Variants in IL1RAPL2 observed in about 807,000 individuals in gnomAD.
IL1RAPL2 encodes X-linked interleukin-1 receptor accessory protein-like 2.
Under a neutral mutation model 44.1 loss-of-function variants are expected in IL1RAPL2, and 3 were observed. The observed-to-expected ratio is 0.07, with a 90% CI of 0.03 to 0.18. The LOEUF (loss-of-function observed/expected upper bound fraction) is 0.18, where lower values mean the gene tolerates loss of function less well. Among genes scored for constraint, IL1RAPL2 ranks in the 10% least tolerant of loss-of-function variants. The pLI is 1.00. For synonymous variants in IL1RAPL2, 181 were observed against 178.8 expected (o/e 1.01, Z -0.10); for missense variants, 391 against 496.4 (o/e 0.79, Z 2.02).
chrX:104,613,315 C>G (rs888114117), intron 1 of IL1RAPL2, among the ~76,000 whole-genome samples: 1 of 111,014 alleles, frequency 9.0e-6, no homozygotes, highest in African/African-American at 3.3e-5. Context: ...ATAGGTGGCT[C>G]TTATTATTTT....
chrX:105,110,455 C>T (rs1355852282), intron 2 of IL1RAPL2, among the ~76,000 whole-genome samples: 1 of 111,958 alleles, frequency 8.9e-6, no homozygotes, highest in Non-Finnish European at 1.9e-5. Flanking sequence ...TGATAAACAT[C>T]TTTAGCCCCA....
At chrX:105,722,921 T>C (rs1027001038) in intron 7 of IL1RAPL2, among the ~76,000 whole-genome samples, 1 of 110,960 alleles carries the variant, frequency 9.0e-6, no homozygotes, top group African/African-American at 3.3e-5. Context: ...CTTATATCTA[T>C]ACTAATCTTA....
At chrX:105,622,906 C>G (rs1159477040) in intron 6 of IL1RAPL2, among the ~76,000 whole-genome samples, 1 of 110,703 alleles carries the variant, frequency 9.0e-6, no homozygotes, top group East Asian at 2.9e-4. Flanking sequence ...TTTAAAACCT[C>G]TAGTTCCCTC....
intron 5 of IL1RAPL2, chrX:105,406,010 C>T: frequency 2.5e-6 from 3 of 1,206,948 alleles, no homozygotes; most frequent in Non-Finnish European, 3.4e-6. Flanking sequence ...TAGGATTCCA[C>T]ACAGACTGGC....
intron 5 of IL1RAPL2, among the ~76,000 whole-genome samples, chrX:105,316,102 C>T (rs1352970469): frequency 9.1e-6 from 1 of 110,280 alleles, no homozygotes; most frequent in Non-Finnish European, 1.9e-5. Context: ...GGTGAAACCC[C>T]ATCTCTACTA....
intron 6 of IL1RAPL2, among the ~76,000 whole-genome samples, chrX:105,684,224 G>A (rs371614369): frequency 4.4e-5 from 5 of 112,414 alleles, no homozygotes; most frequent in South Asian, 3.7e-4. Context: ...GAAGCAGGGC[G>A]GGGCGTCGCC....
chrX:105,029,899 C>A (rs1416481723), intron 2 of IL1RAPL2, among the ~76,000 whole-genome samples: 1 of 111,475 alleles, frequency 9.0e-6, no homozygotes, highest in Non-Finnish European at 1.9e-5. Flanking sequence ...TTCTCCACAT[C>A]CTCTCCAGAA....
At chrX:104,710,005 G>A (rs1010216697) in intron 2 of IL1RAPL2, among the ~76,000 whole-genome samples, 1 of 111,201 alleles carries the variant, frequency 9.0e-6, no homozygotes, top group Non-Finnish European at 1.9e-5. Flanking sequence ...CAAAGTTGTG[G>A]GGAAATTAGA....
intron 2 of IL1RAPL2, among the ~76,000 whole-genome samples, chrX:104,808,725 G>A: frequency 8.9e-6 from 1 of 111,965 alleles, no homozygotes; most frequent in East Asian, 2.8e-4. Context: ...AGAGAGAAAA[G>A]AGGTAAAGAT....
chrX:105,159,265 C>T (rs1445456181), intron 2 of IL1RAPL2, among the ~76,000 whole-genome samples: 1 of 111,775 alleles, frequency 8.9e-6, no homozygotes, highest in Admixed American at 9.5e-5. Flanking sequence ...CTTGGAGCTT[C>T]GAGGGAAGTT....
chrX:104,984,628 G>C (rs1056754370), intron 2 of IL1RAPL2, among the ~76,000 whole-genome samples: 8 of 112,293 alleles, frequency 7.1e-5, no homozygotes, highest in African/African-American at 2.6e-4. Context: ...TAATAGTGTA[G>C]AATTATGCTA....
chrX:105,073,909 T>G (rs1473203643), intron 2 of IL1RAPL2, among the ~76,000 whole-genome samples: 12 of 111,730 alleles, frequency 1.1e-4, no homozygotes, highest in African/African-American at 3.9e-4. Flanking sequence ...TCTTGTAAAT[T>G]TGTTGGAGTT....
intron 6 of IL1RAPL2, among the ~76,000 whole-genome samples, chrX:105,695,650 C>A (rs1166069160): frequency 9.0e-6 from 1 of 111,266 alleles, no homozygotes; most frequent in Non-Finnish European, 1.9e-5. Context: ...ATAAAAGCTA[C>A]CCTTTATGGA....
At chrX:104,659,730 T>C (rs1930349494) in intron 2 of IL1RAPL2, among the ~76,000 whole-genome samples, 1 of 112,472 alleles carries the variant, frequency 8.9e-6, no homozygotes, top group African/African-American at 3.2e-5. Flanking sequence ...GAATGTGTTA[T>C]TATATGGAAA....
chrX:104,906,252 G>A (rs748491867), intron 2 of IL1RAPL2, among the ~76,000 whole-genome samples: 107 of 111,237 alleles, frequency 9.6e-4, no homozygotes, highest in African/African-American at 1.9e-3. Context: ...ATCTGCAAAC[G>A]GGGACAATTT....
chrX:105,275,861 G>A (rs1165385187), intron 5 of IL1RAPL2, among the ~76,000 whole-genome samples: 1 of 111,096 alleles, frequency 9.0e-6, no homozygotes, highest in Non-Finnish European at 1.9e-5. Flanking sequence ...TTCCTACTCT[G>A]CCCCACTGTT....
chrX:105,759,450 T>C (rs1398980868), intron 10 of IL1RAPL2, among the ~76,000 whole-genome samples: 1 of 112,220 alleles, frequency 8.9e-6, no homozygotes, highest in Non-Finnish European at 1.9e-5. Context: ...TGAGGATCCC[T>C]ATGTGAGTTG....
chrX:105,734,133 T>G (rs1367465048), intron 7 of IL1RAPL2, among the ~76,000 whole-genome samples: 1 of 109,911 alleles, frequency 9.1e-6, no homozygotes, highest in Non-Finnish European at 1.9e-5. Context: ...CTTTGCAGGT[T>G]TTTTTTTTGC....
At chrX:105,653,998 C>T (rs1169273798) in intron 6 of IL1RAPL2, among the ~76,000 whole-genome samples, 1 of 110,536 alleles carries the variant, frequency 9.0e-6, no homozygotes, top group Non-Finnish European at 1.9e-5. Context: ...CACACGCACA[C>T]ACCCTTTATG....
Sources: gnomAD v4.1 joint callset for allele counts (sites outside exome capture counted in the v4.1 genomes callset) on GRCh38, gnomAD v4.1.1 for gene constraint, MANE v1.5 for transcripts, NCBI Gene and HGNC (gene_info 2026-07-23, HGNC 2026-07-21) for gene names.